Variants in EPHA5 observed in about 807,000 individuals in gnomAD.
EPHA5 encodes ephrin type-A receptor 5.
A neutral mutation model predicts 105.0 loss-of-function variants in EPHA5; 60 were observed. The observed-to-expected ratio is 0.57, with a 90% confidence interval of 0.46 to 0.71. The LOEUF (loss-of-function observed/expected upper bound fraction) is 0.71. EPHA5 is among the 30% of genes least tolerant of loss of function. The pLI is 0.00. For synonymous variants in EPHA5, 513 were observed against 449.1 expected (o/e 1.14, Z -1.80); for missense variants, 1,218 against 1,274.7 (o/e 0.96, Z 0.68).
intron 2 of EPHA5, among the ~76,000 whole-genome samples, chr4:65,616,264 C>T (rs773707702): frequency 2.4e-4 from 36 of 151,448 alleles, no homozygotes; most frequent in Admixed American, 7.2e-4. Flanking sequence ...TGAGTAGTTA[C>T]CAAAAGTTAG....
In EPHA5 at chr4:65,669,945, C is replaced by T; in HGVS notation, c.-203G>A. The T allele has an allele frequency of 1.4e-6, 1 of 729,936 alleles. No homozygotes were observed. Among genetic ancestry groups the T allele is most frequent in the South Asian group, 7.3e-5 (1 of 13,618 alleles). 45.2% of individuals were successfully genotyped at this position (729,936 alleles called of 1,614,324 possible). A position where few individuals can be genotyped will look rare whatever the true frequency, so the allele number is the denominator to read the frequency against. On this transcript the variant is annotated 5_prime_UTR_variant, in exon 1 of 17. Coordinates refer to ENST00000613740, the MANE Select transcript of EPHA5 (RefSeq NM_001281766.3). ...TTGCTTCTGGCTCCTCTCGCCTCCC[C>T]CTTTGGTGGGGTTAAATGAAATATT...
intron 5 of EPHA5, among the ~76,000 whole-genome samples, chr4:65,420,864 A>G (rs1020054822): frequency 1.3e-5 from 2 of 151,986 alleles, no homozygotes; most frequent in Non-Finnish European, 2.9e-5. Flanking sequence ...ATTCCTGATT[A>G]TTTTATGTAT....
chr4:65,410,733 A>G (rs1320286369), intron 7 of EPHA5, among the ~76,000 whole-genome samples: 2 of 152,248 alleles, frequency 1.3e-5, no homozygotes, highest in Non-Finnish European at 2.9e-5. Flanking sequence ...TTGCTGTTAC[A>G]ATTACATGCA....
intron 2 of EPHA5, among the ~76,000 whole-genome samples, chr4:65,628,059 A>G (rs1393985220): frequency 6.6e-6 from 1 of 152,216 alleles, no homozygotes; most frequent in African/African-American, 2.4e-5. Flanking sequence ...TGCTGTTTTT[A>G]TGATGTGGTT....
intron 5 of EPHA5, among the ~76,000 whole-genome samples, chr4:65,431,571 G>A (rs1247587059): frequency 6.6e-6 from 1 of 151,816 alleles, no homozygotes; most frequent in Non-Finnish European, 1.5e-5. Context: ...AAGTGCTACT[G>A]GCAATTCTCC....
chr4:65,498,839 A>T (rs1732199880), intron 3 of EPHA5, among the ~76,000 whole-genome samples: 1 of 151,732 alleles, frequency 6.6e-6, no homozygotes, highest in Non-Finnish European at 1.5e-5. Flanking sequence ...TGTGTGGTTC[A>T]ATATTATCCA....
intron 3 of EPHA5, among the ~76,000 whole-genome samples, chr4:65,522,317 T>TGC (rs560439135): frequency 9.2e-5 from 5 of 54,582 alleles, no homozygotes; most frequent in Non-Finnish European, 2.1e-4. Flanking sequence ...TATATATATG[T>TGC]ATATATATAT....
chr4:65,386,774 G>A (rs76342661), intron 8 of EPHA5, among the ~76,000 whole-genome samples: 3,109 of 151,778 alleles, frequency 0.02, 66 homozygotes, highest in Non-Finnish European at 0.031. Flanking sequence ...AAATATATAT[G>A]GCAAAATATT....
chr4:65,395,409 T>C (rs764007183), intron 8 of EPHA5, among the ~76,000 whole-genome samples: 4 of 152,220 alleles, frequency 2.6e-5, no homozygotes, highest in Non-Finnish European at 5.9e-5. Context: ...TGGATAATTG[T>C]GAAGACGTCA....
At chr4:65,359,975 A>G (rs1560451236) in intron 11 of EPHA5, among the ~76,000 whole-genome samples, 1 of 151,640 alleles carries the variant, frequency 6.6e-6, no homozygotes, top group Non-Finnish European at 1.5e-5. Flanking sequence ...CCTCTCAATC[A>G]TTCCACTGCA....
chr4:65,474,062 C>T, intron 5 of EPHA5, among the ~76,000 whole-genome samples: 1 of 145,870 alleles, frequency 6.9e-6, no homozygotes, highest in South Asian at 2.2e-4. Context: ...GGAGATATAC[C>T]TAATGCTAAA....
Position 65,457,944 on chromosome 4 carries a change from G to A in EPHA5, c.1402+32433C>T, listed in dbSNP as rs183287897. ...AAAAAGTTAGCCGGACTTGGTGACT[G>A]GCGCCTGTAGTTCCAGCTACTCGGG... On this transcript the variant is annotated intron_variant, in intron 5 of 16. Coordinates refer to ENST00000613740, the MANE Select transcript of EPHA5 (RefSeq NM_001281766.3). Among the ~76,000 whole-genome samples, 3 of 151,866 alleles carry A rather than the reference G, an allele frequency of 2.0e-5. No homozygotes were observed. The East Asian group carries it at 5.8e-4, about 29-fold the overall frequency.
chr4:65,390,987 A>G (rs1376413), intron 8 of EPHA5, among the ~76,000 whole-genome samples: 1,692 of 152,154 alleles, frequency 0.011, 36 homozygotes, highest in African/African-American at 0.039. Context: ...GCCTCAGGAA[A>G]CTTACAATCC....
intron 8 of EPHA5, among the ~76,000 whole-genome samples, chr4:65,373,647 T>C (rs1164552988): frequency 6.6e-6 from 1 of 151,988 alleles, no homozygotes; most frequent in Non-Finnish European, 1.5e-5. Context: ...AATTATGAGA[T>C]ACACTAGACT....
chr4:65,521,658 A>G (rs560780831), intron 3 of EPHA5, among the ~76,000 whole-genome samples: 9 of 152,124 alleles, frequency 5.9e-5, no homozygotes, highest in African/African-American at 1.9e-4. Flanking sequence ...GAATTGAAGT[A>G]TGCTGAGCTT....
chr4:65,408,643 C>G (rs1300672403), intron 7 of EPHA5, among the ~76,000 whole-genome samples: 1 of 152,006 alleles, frequency 6.6e-6, no homozygotes, highest in Admixed American at 6.6e-5. Context: ...CAATGAGATA[C>G]CATCTCACAG....
rs1197478027 is a variant in EPHA5 at position 65,321,169 on chromosome 4, G to A, written c.*2945C>T. 5 of 230,532 alleles carry A rather than the reference G, an allele frequency of 2.2e-5. No homozygotes were observed. Among genetic ancestry groups the A allele is most frequent in the Non-Finnish European group, 4.3e-5 (5 of 116,392 alleles). The allele number at this position is 230,532 out of a possible 1,614,324, so 14.3% of individuals were successfully genotyped here. ...TTTTTCAAAGTCCAATACTGTGAAA[G>A]ACTCATGCCCCTTAAGATATTGCTA... On this transcript the variant is annotated 3_prime_UTR_variant, in exon 17 of 17. Coordinates refer to ENST00000613740, the MANE Select transcript of EPHA5 (RefSeq NM_001281766.3).
chr4:65,449,162 G>A (rs545806688), intron 5 of EPHA5, among the ~76,000 whole-genome samples: 394 of 152,134 alleles, frequency 2.6e-3, no homozygotes, highest in African/African-American at 9.1e-3. Context: ...TTATTCCTAA[G>A]TAAAAGATTG....
chr4:65,470,550 C>T (rs1167637750), intron 5 of EPHA5, among the ~76,000 whole-genome samples: 1 of 152,086 alleles, frequency 6.6e-6, no homozygotes, highest in Non-Finnish European at 1.5e-5. Flanking sequence ...CTTGTAATAA[C>T]CATGTACATG....
Sources: gnomAD v4.1 joint callset for allele counts (sites outside exome capture counted in the v4.1 genomes callset) on GRCh38, gnomAD v4.1.1 for gene constraint, MANE v1.5 for transcripts, NCBI Gene and HGNC (gene_info 2026-07-23, HGNC 2026-07-21) for gene names.